The following MYOF variants were observed in gnomAD, a reference collection of about 807,000 sequenced individuals.
MYOF encodes the protein fer-1-like 3, myoferlin.
Under a neutral mutation model 284.2 loss-of-function variants are expected in MYOF, and 244 were observed. That is an observed-to-expected ratio of 0.86 (90% CI 0.77 to 0.95). The LOEUF is 0.95. MYOF is among the 40% of genes least tolerant of loss of function. The pLI is 0.00. For synonymous variants in MYOF, 904 were observed against 919.7 expected, an observed-to-expected ratio of 0.98 and a Z score of 0.31; for missense variants, 2,496 against 2,560.6, an observed-to-expected ratio of 0.97 and a Z score of 0.54.
Position 93,353,084 on chromosome 10 carries a change from A to G in MYOF, c.3481+727T>C, listed in dbSNP as rs373162608. On this transcript the variant is annotated intron_variant, in intron 32 of 53. Transcript: ENST00000359263. ...ACTCATTTCTCGGGGCAAATGGGAA[A>G]TGGGTTAAGAGGTGTTTTCATAGAA... 7.9e-5 allele frequency among the ~76,000 whole-genome samples: 12 copies of G among 152,150 alleles called. No individual in the cohort carries two copies. The East Asian group carries it at 1.7e-3, about 22-fold the overall frequency.
chr10:93,467,679 G>A (rs10882238), intron 1 of MYOF, among the ~76,000 whole-genome samples: 109,948 of 151,912 alleles, frequency 0.72, 41,216 homozygotes, highest in Non-Finnish European at 0.83. Flanking sequence ...GCACACGTAT[G>A]TTTATTGCGG....
At chr10:93,357,839 C>CTGA (rs1395898220) in intron 29 of MYOF, among the ~76,000 whole-genome samples, 1 of 152,158 alleles carries the variant, frequency 6.6e-6, no homozygotes, top group South Asian at 2.1e-4. Flanking sequence ...AGCCTTCTAA[C>CTGA]TGATGGCTCA....
At chr10:93,309,312 A>G (rs1458084221) in intron 53 of MYOF, among the ~76,000 whole-genome samples, 1 of 152,182 alleles carries the variant, frequency 6.6e-6, no homozygotes, top group African/African-American at 2.4e-5. Flanking sequence ...AATCATCACT[A>G]TAACTTAATT....
chr10:93,394,682 G>A (rs552688741), intron 16 of MYOF, among the ~76,000 whole-genome samples: 4 of 145,404 alleles, frequency 2.8e-5, no homozygotes, highest in East Asian at 2.1e-4. Flanking sequence ...GGATGGTCTC[G>A]ATCTCCTGAC....
In MYOF at chr10:93,438,713, G is replaced by T. The variant is rs373372236; in HGVS notation, c.237-7197C>A. ...ATAGGGAAGGCAGAAGGCAACGCGG[G>T]ATCTGGGGAGAGGGGGGCTTGAGTG... On this transcript the variant is annotated intron_variant, in intron 3 of 53. Transcript: ENST00000359263. Among the ~76,000 whole-genome samples the T allele has an allele frequency of 2.0e-5, 3 of 152,306 alleles. No homozygotes were observed. In the East Asian group the frequency reaches 5.8e-4, roughly 29 times the overall value.
chr10:93,419,453 G>A (rs1184006814), intron 5 of MYOF, among the ~76,000 whole-genome samples: 1 of 150,956 alleles, frequency 6.6e-6, no homozygotes, highest in African/African-American at 2.4e-5. Flanking sequence ...ATGAGCCACC[G>A]TGCCCGGCCC....
At position 93,478,836 on chromosome 10, in the gene MYOF, A is replaced by AGAAAGAAAGAAAGAAAGAAAGAAAGAAAG. The variant is rs200937397; in HGVS notation, c.88+3270_88+3271insCTTTCTTTCTTTCTTTCTTTCTTTCTTTC. ...GGGTGAAACAGTCTCAAAAAAAAAA[A>AGAAAGAAAGAAAGAAAGAAAGAAAGAAAG]AAAAAAAGAAAGAAAGAAAGAAAGG... On this transcript the variant is annotated intron_variant, in intron 1 of 53. Coordinates refer to ENST00000359263, the MANE Select transcript of MYOF (RefSeq NM_013451.4). Among the ~76,000 whole-genome samples the AGAAAGAAAGAAAGAAAGAAAGAAAGAAAG allele has an allele frequency of 6.4e-4, 38 of 58,918 alleles. 2 individuals carry two copies. The highest frequency in any genetic ancestry group is 2.0e-3 in the South Asian group (3 of 1,494). The allele number at this position is 58,918 out of a possible 152,430, so 38.7% of individuals were successfully genotyped here. A position where few individuals can be genotyped will look rare whatever the true frequency, so the allele number is the denominator to read the frequency against.
At chr10:93,468,110 A>G (rs1470339954) in intron 1 of MYOF, among the ~76,000 whole-genome samples, 1 of 152,222 alleles carries the variant, frequency 6.6e-6, no homozygotes, top group Non-Finnish European at 1.5e-5. Context: ...TTCAAGGCAC[A>G]AGAAAGTTAA....
intron 45 of MYOF, 128 bp from the exon 46 acceptor site, chr10:93,326,093 C>G (rs2133783358): frequency 1.6e-6 from 2 of 1,214,390 alleles, no homozygotes; most frequent in African/African-American, 1.5e-5. Flanking sequence ...AACATGCAAA[C>G]TTTGACTTGT....
chr10:93,425,685 C>T (rs1332379739), intron 5 of MYOF: 2 of 203,272 alleles, frequency 9.8e-6, no homozygotes, highest in East Asian at 1.4e-4. Flanking sequence ...GGTGGTGGCA[C>T]CTTTGGGAGG....
At position 93,323,467 on chromosome 10, in the gene MYOF, T is replaced by C. The variant is rs1033991647; in HGVS notation, c.5272-109A>G. 7.4e-6 allele frequency: 7 copies of C among 950,042 alleles called. No homozygotes were observed. In the African/African-American group the frequency reaches 1.2e-4, roughly 16 times the overall value. The allele number at this position is 950,042 out of a possible 1,614,324, so 58.9% of individuals were successfully genotyped here. Reference sequence around the variant, plus strand: ...AAACTATTTCTTTCTTTGGTCTCTCTAATTTATTAGTCCACATGGAAGGCA... The same window carrying C: ...AAACTATTTCTTTCTTTGGTCTCTCCAATTTATTAGTCCACATGGAAGGCA... On this transcript the variant is annotated intron_variant, in intron 46 of 53. Coordinates refer to ENST00000359263, the MANE Select transcript of MYOF (RefSeq NM_013451.4).
At chr10:93,319,716 T>C (rs1172762961) in intron 49 of MYOF, among the ~76,000 whole-genome samples, 156 bp downstream of exon 49, 1 of 152,110 alleles carries the variant, frequency 6.6e-6, no homozygotes, top group Non-Finnish European at 1.5e-5. Flanking sequence ...CAGTGTGACC[T>C]TGGACAAGTG....
At chr10:93,428,208 T>C (rs1356325473) in intron 4 of MYOF, among the ~76,000 whole-genome samples, 1 of 151,070 alleles carries the variant, frequency 6.6e-6, no homozygotes, top group Non-Finnish European at 1.5e-5. Context: ...TTTTTTTTTT[T>C]TTTTTTGAGA....
chr10:93,343,308 C>T (rs1313749440), intron 38 of MYOF, among the ~76,000 whole-genome samples: 2 of 140,204 alleles, frequency 1.4e-5, no homozygotes, highest in Non-Finnish European at 3.1e-5. Flanking sequence ...ACTTCAAAAC[C>T]ACAGTGAAAA....
Position 93,313,040 on chromosome 10 carries a change from C to T in MYOF, c.5869G>A (p.Asp1957Asn). 3.1e-6 allele frequency: 5 copies of T among 1,611,464 alleles called. No individual in the cohort carries two copies. Among genetic ancestry groups the T allele is most frequent in the Non-Finnish European group, 3.4e-6 (4 of 1,179,104 alleles). Residue 1957 changes from aspartate (D) to asparagine (N), a missense_variant, in exon 51 of 54, where the codon GAT becomes AAT. Transcript: ENST00000359263. The stretch of plus-strand genomic sequence containing the variant: ...CATACAGCCATTACGCGGGCGCCAT[C>T]TTTCTCTGCGTAGCATGGCCACCAT... ...KGWWPCYAEK[D>N]GARVMAGKVE...
intron 4 of MYOF, among the ~76,000 whole-genome samples, chr10:93,429,952 T>G (rs1012442334): frequency 6.6e-6 from 1 of 151,714 alleles, no homozygotes; most frequent in Non-Finnish European, 1.5e-5. Flanking sequence ...TTTTTTTTTT[T>G]GAGATGGAGT....
chr10:93,391,841 T>A (rs1846702888), intron 17 of MYOF, among the ~76,000 whole-genome samples: 1 of 152,208 alleles, frequency 6.6e-6, no homozygotes, highest in Non-Finnish European at 1.5e-5. Flanking sequence ...CCTTTTTGAA[T>A]CCCCTTCATG....
At chr10:93,465,867 G>A (rs933134156) in intron 1 of MYOF, among the ~76,000 whole-genome samples, 4 of 152,188 alleles carry the variant, frequency 2.6e-5, no homozygotes, top group African/African-American at 9.6e-5. Flanking sequence ...CCCCCAGGGA[G>A]TTCCCAGGCT....
At chr10:93,446,082 A>G (rs2056419227) in intron 3 of MYOF, among the ~76,000 whole-genome samples, 1 of 152,232 alleles carries the variant, frequency 6.6e-6, no homozygotes, top group Non-Finnish European at 1.5e-5. Flanking sequence ...GTTGGTGGAA[A>G]CTAAGCTAAT....
Sources: gnomAD v4.1 joint callset for allele counts (sites outside exome capture counted in the v4.1 genomes callset) on GRCh38, gnomAD v4.1.1 for gene constraint, MANE v1.5 for transcripts, NCBI Gene and HGNC (gene_info 2026-07-23, HGNC 2026-07-21) for gene names.